The following MTCL3 variants were observed in gnomAD, a reference collection of about 807,000 sequenced individuals.
MTCL3 encodes the protein microtubule cross-linking factor 3.
the MTCL3 span, chr6:127,512,870 A>G: frequency 9.4e-6 from 15 of 1,601,646 alleles, no homozygotes; most frequent in Non-Finnish European, 1.3e-5. Flanking sequence ...ATAGTACACC[A>G]TGAAATAATC....
At chr6:127,516,331 A>T in the MTCL3 span, 1 of 1,595,916 alleles carries the variant, frequency 6.3e-7, no homozygotes, top group Non-Finnish European at 8.5e-7. Flanking sequence ...GCCTCCTCGG[A>T]TGCTGGCGGG....
At chr6:127,512,092 T>C in the MTCL3 span, among the ~76,000 whole-genome samples, 362 of 152,324 alleles carry the variant, frequency 2.4e-3, 1 homozygote, top group Non-Finnish European at 4.1e-3. Flanking sequence ...TCTAATTAAA[T>C]TGCTGTTTAT....
At chr6:127,485,725 A>G in the MTCL3 span, among the ~76,000 whole-genome samples, 1 of 152,096 alleles carries the variant, frequency 6.6e-6, no homozygotes, top group Non-Finnish European at 1.5e-5. Flanking sequence ...GAAATATTGT[A>G]CTCTTTCCCC....
chr6:127,499,364 C>T, the MTCL3 span, among the ~76,000 whole-genome samples: 1 of 151,920 alleles, frequency 6.6e-6, no homozygotes, highest in Admixed American at 6.6e-5. Context: ...TTAAGGAGCA[C>T]AACTGACATC....
chr6:127,473,331 T>C, the MTCL3 span: 9 of 1,543,580 alleles, frequency 5.8e-6, no homozygotes, highest in Non-Finnish European at 7.8e-6. Context: ...AATATTGTTG[T>C]GTAAGAAAGT....
the MTCL3 span, among the ~76,000 whole-genome samples, chr6:127,480,804 C>T: frequency 9.5e-4 from 145 of 152,168 alleles, no homozygotes; most frequent in African/African-American, 3.3e-3. Context: ...GCATTGGAAT[C>T]GTGTTATAAT....
chr6:127,507,863 A>G, the MTCL3 span, among the ~76,000 whole-genome samples: 2 of 150,184 alleles, frequency 1.3e-5, no homozygotes, highest in African/African-American at 4.9e-5. Context: ...AAAAAAAAAA[A>G]AAAAAAAGAA....
At chr6:127,475,221 G>C in the MTCL3 span, 3 of 1,485,504 alleles carry the variant, frequency 2.0e-6, no homozygotes, top group Non-Finnish European at 2.7e-6. This position sits in a 1 kb window ranked among gnomAD's most constrained non-coding sequence, Gnocchi z 7.3. Flanking sequence ...CGGGCGCCGA[G>C]ACGCCCCCCA....
chr6:127,473,400 G>A, the MTCL3 span: 2 of 1,515,340 alleles, frequency 1.3e-6, no homozygotes, highest in Non-Finnish European at 1.8e-6. Flanking sequence ...ATCTGGGAAG[G>A]TAAATGCAAA....
the MTCL3 span, among the ~76,000 whole-genome samples, chr6:127,496,705 A>G: frequency 8.0e-4 from 122 of 152,340 alleles, no homozygotes; most frequent in Middle Eastern, 0.014. Flanking sequence ...TAGATAAAAT[A>G]TGATATTTGC....
chr6:127,507,940 C>A, the MTCL3 span, among the ~76,000 whole-genome samples: 3 of 151,624 alleles, frequency 2.0e-5, no homozygotes, highest in East Asian at 3.9e-4. Flanking sequence ...ACCTGACACA[C>A]TCTTCCTTTT....
the MTCL3 span, among the ~76,000 whole-genome samples, chr6:127,479,217 G>A: frequency 6.6e-6 from 1 of 152,110 alleles, no homozygotes; most frequent in Non-Finnish European, 1.5e-5. Flanking sequence ...ACTTCCTGAT[G>A]TTGTCATGGC....
At chr6:127,475,287 C>A in the MTCL3 span, 1 of 1,595,342 alleles carries the variant, frequency 6.3e-7, no homozygotes, top group Non-Finnish European at 8.6e-7. This position sits in a 1 kb window ranked among gnomAD's most constrained non-coding sequence, Gnocchi z 7.3. Flanking sequence ...ATAGGCAGAA[C>A]TGTACCTGAC....
At chr6:127,495,064 G>A in the MTCL3 span, among the ~76,000 whole-genome samples, 1 of 150,470 alleles carries the variant, frequency 6.6e-6, no homozygotes, top group Non-Finnish European at 1.5e-5. Context: ...GGGCATGGTG[G>A]TGGACACCTA....
the MTCL3 span, among the ~76,000 whole-genome samples, chr6:127,492,626 T>G: frequency 6.6e-6 from 1 of 152,140 alleles, no homozygotes; most frequent in African/African-American, 2.4e-5. Flanking sequence ...GTTCACGATG[T>G]TCTCCTGCCT....
At chr6:127,502,505 A>G in the MTCL3 span, among the ~76,000 whole-genome samples, 2 of 152,358 alleles carry the variant, frequency 1.3e-5, no homozygotes, top group East Asian at 3.9e-4. Flanking sequence ...GTCAGATGGA[A>G]GAAGTTAGCA....
At chr6:127,507,081 C>T in the MTCL3 span, among the ~76,000 whole-genome samples, 1 of 152,148 alleles carries the variant, frequency 6.6e-6, no homozygotes, top group South Asian at 2.1e-4. Context: ...GGAGACTTAA[C>T]TCTTATGAAT....
At chr6:127,494,340 G>C in the MTCL3 span, among the ~76,000 whole-genome samples, 1 of 151,954 alleles carries the variant, frequency 6.6e-6, no homozygotes, top group Non-Finnish European at 1.5e-5. Context: ...GAAAATATAA[G>C]AGAGCTTAAA....
chr6:127,506,326 T>A, the MTCL3 span, among the ~76,000 whole-genome samples: 2 of 152,192 alleles, frequency 1.3e-5, no homozygotes, highest in Admixed American at 1.3e-4. Context: ...ACTATATGGA[T>A]TTTCTTCATG....
Sources: allele counts gnomAD v4.1 joint callset (sites outside exome capture counted in the v4.1 genomes callset), GRCh38; gene constraint gnomAD v4.1.1; non-coding constraint Gnocchi (gnomAD v3.1); transcripts MANE v1.5; gene names NCBI Gene and HGNC (gene_info 2026-07-23, HGNC 2026-07-21).